The following CDH23 variants were observed in gnomAD, a reference collection of about 807,000 sequenced individuals.
The protein encoded by CDH23 is cadherin related 23.
Under a neutral mutation model 317.1 loss-of-function variants are expected in CDH23, and 189 were observed. That is an observed-to-expected ratio of 0.60 (90% confidence interval 0.53 to 0.67). CDH23 has a LOEUF of 0.67. Among genes scored for constraint, CDH23 ranks in the 30% least tolerant of loss-of-function variants. CDH23 has a pLI of 0.00. For synonymous variants in CDH23, 1,839 were observed against 1,876.8 expected, an observed-to-expected ratio of 0.98 and a Z score of 0.52; for missense variants, 4,401 against 4,592.4, an observed-to-expected ratio of 0.96 and a Z score of 1.20.
chr10:71,699,619 C>G (rs1486992517), intron 22 of CDH23, among the ~76,000 whole-genome samples: 1 of 152,214 alleles, frequency 6.6e-6, no homozygotes, highest in Non-Finnish European at 1.5e-5. Context: ...CAGCTGCCTT[C>G]AAGGACCTGG....
rs980342535 is a variant in CDH23 at position 71,793,742 on chromosome 10, C to T, written c.6712+102C>T. 20 of 867,742 alleles carry T rather than the reference C, an allele frequency of 2.3e-5. No homozygotes were observed. The African/African-American group carries it at 3.1e-4, about 13-fold the overall frequency. The allele number at this position is 867,742 out of a possible 1,614,324, so 53.8% of individuals were successfully genotyped here. A position where few individuals can be genotyped will look rare whatever the true frequency, so the allele number is the denominator to read the frequency against. On this transcript the variant is annotated intron_variant, in intron 48 of 69. Transcript: ENST00000224721. ...TCTCCTTTCTCTTTCTTTGCTGTTCCCTTGCTACTCTCTTCTCTCCCCCTC... is the reference window on the plus strand; with the variant it reads ...TCTCCTTTCTCTTTCTTTGCTGTTCTCTTGCTACTCTCTTCTCTCCCCCTC...
At position 71,476,003 on chromosome 10, in the gene CDH23, C is replaced by T. The variant is rs190888069; in HGVS notation, c.145+29608C>T. ...GGGTGGCTGAGATGGTTTCTGAGGT[C>T]CTTTGTCCTCTGGTCGTTCATGTGG... On this transcript the variant is annotated intron_variant, in intron 3 of 69. Transcript: ENST00000224721. 3.0e-3 allele frequency among the ~76,000 whole-genome samples: 459 copies of T among 152,322 alleles called. 1 individual carries two copies. The highest frequency in any genetic ancestry group is 5.2e-3 in the Non-Finnish European group (354 of 68,028).
At chr10:71,462,131 C>T (rs1004229896) in intron 3 of CDH23, among the ~76,000 whole-genome samples, 4 of 152,178 alleles carry the variant, frequency 2.6e-5, no homozygotes, top group Admixed American at 6.5e-5. Context: ...GGCTTATCAT[C>T]GGATAGCAGA....
intron 16 of CDH23, 137 bp downstream of exon 16, chr10:71,677,830 A>G: frequency 1.4e-6 from 1 of 713,180 alleles, no homozygotes; most frequent in Non-Finnish European, 2.4e-6. Flanking sequence ...CAGTGGTACA[A>G]TCAGAGTTCA....
intron 3 of CDH23, among the ~76,000 whole-genome samples, chr10:71,483,954 C>T (rs899868149): frequency 2.0e-5 from 3 of 152,148 alleles, no homozygotes; most frequent in Non-Finnish European, 4.4e-5. Context: ...ATCCTTGCTG[C>T]GGAGCCTTCA....
At chr10:71,512,168 A>T (rs1199125829) in intron 6 of CDH23, 1 of 152,114 alleles carries the variant, frequency 6.6e-6, no homozygotes, top group Admixed American at 6.5e-5. Context: ...CACAGCTTTA[A>T]CTTCGAGCCA....
chr10:71,639,466 C>T (rs930979477), intron 11 of CDH23, among the ~76,000 whole-genome samples: 6 of 152,168 alleles, frequency 3.9e-5, no homozygotes, highest in East Asian at 1.9e-4. Flanking sequence ...CCTTCTGCCA[C>T]GTGTGGCACA....
chr10:71,708,979 A>C lies in CDH23; in HGVS notation c.3107-119A>C, dbSNP rs1014379465. The C allele has an allele frequency of 1.6e-4, 143 of 899,246 alleles. 2 individuals carry two copies. In the South Asian group the frequency reaches 1.9e-3, roughly 12 times the overall value. 55.7% of individuals were successfully genotyped at this position (899,246 alleles called of 1,614,324 possible). A position where few individuals can be genotyped will look rare whatever the true frequency, so the allele number is the denominator to read the frequency against. Reference sequence around the variant, plus strand: ...GCACCTCAGGCAGGGCCGAATCAGCAGCACAGCCTCCCACTCCTGGACTCA... The same window carrying C: ...GCACCTCAGGCAGGGCCGAATCAGCCGCACAGCCTCCCACTCCTGGACTCA... On this transcript the variant is annotated intron_variant, in intron 26 of 69. Transcript: ENST00000224721.
intron 14 of CDH23, among the ~76,000 whole-genome samples, chr10:71,649,212 G>C (rs560657497): frequency 6.6e-6 from 1 of 152,080 alleles, no homozygotes; most frequent in Non-Finnish European, 1.5e-5. Context: ...GCTCAGACCC[G>C]GGGTCAGCCC....
chr10:71,532,607 C>T (rs1855439436), intron 6 of CDH23, among the ~76,000 whole-genome samples: 1 of 152,076 alleles, frequency 6.6e-6, no homozygotes, highest in Non-Finnish European at 1.5e-5. Flanking sequence ...GATGGAGACT[C>T]AGGCAACCTG....
At chr10:71,457,380 G>C (rs1850747689) in intron 3 of CDH23, among the ~76,000 whole-genome samples, 1 of 152,210 alleles carries the variant, frequency 6.6e-6, no homozygotes. Context: ...GGCTCAGAGA[G>C]AGATCCAGCA....
Position 71,575,753 on chromosome 10 carries a change from G to A in CDH23, c.754-2161G>A, listed in dbSNP as rs148990995. Among the ~76,000 whole-genome samples the A allele has an allele frequency of 8.8e-3, 1,333 of 152,260 alleles. 17 individuals carry two copies. The highest frequency in any genetic ancestry group is 0.029 in the African/African-American group (1,223 of 41,544). Reference sequence around the variant, plus strand: ...GCACAGCCGCACTTCTCCATCCCCCGTCTTTGGAAATAAGTTTCAGTATAT... The same window carrying A: ...GCACAGCCGCACTTCTCCATCCCCCATCTTTGGAAATAAGTTTCAGTATAT... On this transcript the variant is annotated intron_variant, in intron 8 of 69. Transcript: ENST00000224721.
intron 6 of CDH23, among the ~76,000 whole-genome samples, chr10:71,541,325 C>T (rs751520): frequency 9.0e-4 from 137 of 152,312 alleles, no homozygotes; most frequent in African/African-American, 3.2e-3. Context: ...AACAGCCACA[C>T]GGTCACCTGC....
At chr10:71,584,831 A>G (rs558968438) in intron 9 of CDH23, among the ~76,000 whole-genome samples, 1 of 152,336 alleles carries the variant, frequency 6.6e-6, no homozygotes, top group South Asian at 2.1e-4. Context: ...AGGGTAGCAC[A>G]ATGGCTGCCT....
At chr10:71,811,245 G>A in intron 62 of CDH23, 70 bp from the exon 63 acceptor site, 1 of 1,610,532 alleles carries the variant, frequency 6.2e-7, no homozygotes, top group Middle Eastern at 1.7e-4. Flanking sequence ...CTTGAGGCAG[G>A]AGCAGAGCAG....
At chr10:71,583,901 G>A (rs927332861) in intron 9 of CDH23, among the ~76,000 whole-genome samples, 9 of 152,148 alleles carry the variant, frequency 5.9e-5, no homozygotes, top group Admixed American at 4.6e-4. Context: ...AGTCCCTCGG[G>A]TTCCAGAACC....
chr10:71,814,278 GGT>G (rs1177365215), intron 69 of CDH23, among the ~76,000 whole-genome samples: 3 of 152,200 alleles, frequency 2.0e-5, no homozygotes, highest in Non-Finnish European at 4.4e-5. Flanking sequence ...AGCCAGATGT[GGT>G]GGCACACGCC....
rs1049490635 is a variant in CDH23 at position 71,498,908 on chromosome 10, G to A, written c.146-11174G>A. ...TGGGGCATATTAATTTTTAAAAAAT[G>A]TGTGTGTGAAGGGAAGGAAATCAGG... is the stretch of plus-strand genomic sequence containing the variant. On this transcript the variant is annotated intron_variant, in intron 3 of 69. Transcript: ENST00000224721. Among the ~76,000 whole-genome samples the A allele has an allele frequency of 5.3e-5, 8 of 152,180 alleles. No homozygotes were observed. In the East Asian group the frequency reaches 7.7e-4, roughly 15 times the overall value.
intron 9 of CDH23, among the ~76,000 whole-genome samples, chr10:71,599,427 A>G (rs1362805570): frequency 6.6e-6 from 1 of 152,090 alleles, no homozygotes; most frequent in African/African-American, 2.4e-5. Context: ...TAGGGTGAAA[A>G]TGGCATGTTT....
Sources: gnomAD v4.1 joint callset for allele counts (sites outside exome capture counted in the v4.1 genomes callset) on GRCh38, gnomAD v4.1.1 for gene constraint, MANE v1.5 for transcripts, NCBI Gene and HGNC (gene_info 2026-07-23, HGNC 2026-07-21) for gene names.